The following SYNRG variants were observed in gnomAD, a reference collection of about 807,000 sequenced individuals.
The protein encoded by SYNRG is synergin gamma, also known as AP1 gamma subunit binding protein 1.
Under a neutral mutation model 130.9 loss-of-function variants are expected in SYNRG, and 37 were observed. The ratio of observed to expected loss-of-function variants is 0.28; its 90% CI spans 0.22 to 0.37. The LOEUF (loss-of-function observed/expected upper bound fraction) is 0.37. Among genes scored for constraint, SYNRG ranks in the 10% least tolerant of loss-of-function variants. SYNRG has a pLI of 1.00. For synonymous variants in SYNRG, 539 were observed against 568.1 expected (o/e 0.95, Z 0.73); for missense variants, 1,338 against 1,588.9 (o/e 0.84, Z 2.68).
intron 1 of SYNRG, among the ~76,000 whole-genome samples, chr17:37,605,395 G>A (rs1000053003): frequency 6.6e-6 from 1 of 152,168 alleles, no homozygotes; most frequent in African/African-American, 2.4e-5. Context: ...TAACTGTGAA[G>A]CTCTGTGCAA....
At chr17:37,545,758 A>T (rs2058225119) in intron 14 of SYNRG, among the ~76,000 whole-genome samples, 1 of 152,254 alleles carries the variant, frequency 6.6e-6, no homozygotes. Context: ...ACTTAAAATG[A>T]AGAGCAAATA....
intron 8 of SYNRG, among the ~76,000 whole-genome samples, 195 bp from the exon 9 acceptor site, chr17:37,572,182 C>G (rs1446696531): frequency 6.6e-6 from 1 of 152,126 alleles, no homozygotes; most frequent in East Asian, 1.9e-4. Context: ...AATCTCAGCA[C>G]TTGGGAGGCC....
intron 14 of SYNRG, among the ~76,000 whole-genome samples, chr17:37,543,027 C>CA (rs2057917225): frequency 6.6e-6 from 1 of 152,092 alleles, no homozygotes; most frequent in Non-Finnish European, 1.5e-5. Context: ...GACAGTTTCT[C>CA]AAAACTAAAA....
At chr17:37,585,302 G>C in intron 5 of SYNRG, 23 bp downstream of exon 5, 1 of 1,583,768 alleles carries the variant, frequency 6.3e-7, no homozygotes. Flanking sequence ...TGTTCTGGGT[G>C]AAGAGAAGTA....
At chr17:37,588,344 C>T (rs2061865291) in intron 3 of SYNRG, among the ~76,000 whole-genome samples, 1 of 150,156 alleles carries the variant, frequency 6.7e-6, no homozygotes. Context: ...CTCACTGCAA[C>T]CTCCACCTCC....
chr17:37,580,401 G>C (rs2061206192), intron 6 of SYNRG, among the ~76,000 whole-genome samples: 1 of 151,126 alleles, frequency 6.6e-6, no homozygotes. Flanking sequence ...CCCGGTTCAA[G>C]AGATTTTTCT....
At chr17:37,520,388 G>A in intron 20 of SYNRG, 150 bp downstream of exon 20, 1 of 1,050,892 alleles carries the variant, frequency 9.5e-7, no homozygotes, top group South Asian at 1.4e-5. Flanking sequence ...CCCTCTCGAG[G>A]GAATGTGTCT....
Position 37,542,567 on chromosome 17 carries a change from T to C in SYNRG, c.2609-2A>G, listed in dbSNP as rs544444906. The C allele has an allele frequency of 7.6e-5, 122 of 1,604,168 alleles. 1 individual carries two copies. The South Asian group carries it at 1.3e-3, about 17-fold the overall frequency. ...CAGCATATTTTAAGTCCTCTATATC[T>C]GAAAGGGAAATAAGACCCCACAATT... On this transcript the variant is annotated splice_acceptor_variant, in intron 14 of 21. Coordinates refer to ENST00000612223, the MANE Select transcript of SYNRG (RefSeq NM_007247.6). LOFTEE classifies it high-confidence loss of function.
rs2060371839 is a variant in SYNRG at position 37,570,809 on chromosome 17, G to A, written c.1175C>T (p.Ser392Phe). ...AAPIPTLSGFSMTLPTPVSQP... is the reference protein window; with the variant it reads ...AAPIPTLSGFFMTLPTPVSQP... ...ACTCACCGGTGTAGGCAGAGTCATA[G>A]AAAAGCCACTTAAAGTTGGAATAGG... Residue 392 changes from serine (S) to phenylalanine (F), a missense_variant, in exon 10 of 22, where the codon TCT becomes TTT. Ser to Phe is a radical substitution (Grantham distance 155). This residue lies in a region of SYNRG where 1,146 missense variants were observed against 1,342.3 expected (regional missense o/e 0.85). Transcript: ENST00000612223. The A allele has an allele frequency of 1.2e-6, 2 of 1,614,110 alleles. No homozygotes were observed. Among genetic ancestry groups the A allele is most frequent in the Non-Finnish European group, 1.7e-6 (2 of 1,180,046 alleles).
rs768119791 is a variant in SYNRG, at chr17:37,577,594, C to A, written c.609G>T (p.Lys203Asn). The change falls in exon 7 of 22, where the codon AAG becomes AAT. Residue 203 changes from lysine (K) to asparagine (N), a missense_variant. Coordinates refer to ENST00000612223, the MANE Select transcript of SYNRG (RefSeq NM_007247.6). ...PKKPGPSLEE[K>N]FLVSCDISTS... The stretch of plus-strand genomic sequence containing the variant: ...TACTTATATCACAAGATACTAGGAA[C>A]TTCTCCTCCAAGGAAGGGCCTAAAC... The A allele has an allele frequency of 6.2e-7, 1 of 1,613,776 alleles. No individual in the cohort carries two copies. The highest frequency in any genetic ancestry group is 8.5e-7 in the Non-Finnish European group (1 of 1,179,938).
At chr17:37,539,158 C>T (rs1185062663) in intron 17 of SYNRG, 34 bp downstream of exon 17, 2 of 1,611,680 alleles carry the variant, frequency 1.2e-6, no homozygotes, top group African/African-American at 2.7e-5. Context: ...AAAGAGCACT[C>T]ACATATGTGT....
chr17:37,590,098 G>C (rs565033746), intron 3 of SYNRG, among the ~76,000 whole-genome samples: 106 of 151,646 alleles, frequency 7.0e-4, no homozygotes, highest in Non-Finnish European at 1.8e-4. Context: ...TTGAGCCCGG[G>C]AGGCGGCAGC....
intron 14 of SYNRG, among the ~76,000 whole-genome samples, chr17:37,543,398 G>C (rs1481729697): frequency 1.3e-5 from 2 of 152,136 alleles, no homozygotes; most frequent in Non-Finnish European, 2.9e-5. Context: ...TTAATATATA[G>C]TTAAGTAATT....
Position 37,541,952 on chromosome 17 carries a change from C to T in SYNRG, c.3202+20G>A. On this transcript the variant is annotated intron_variant, in intron 15 of 21. Coordinates refer to ENST00000612223, the MANE Select transcript of SYNRG (RefSeq NM_007247.6). ...TGGAAAAAAACCACAATAGTAAAATCTACCTTGGAAGCTACTCACCTTGAA... is the reference window on the plus strand; with the variant it reads ...TGGAAAAAAACCACAATAGTAAAATTTACCTTGGAAGCTACTCACCTTGAA... 6.3e-7 allele frequency: 1 copy of T among 1,593,496 alleles called. No individual in the cohort carries two copies. Among genetic ancestry groups the T allele is most frequent in the Non-Finnish European group, 8.6e-7 (1 of 1,167,770 alleles).
chr17:37,539,688 A>T (rs2057553795), intron 16 of SYNRG, among the ~76,000 whole-genome samples: 1 of 152,082 alleles, frequency 6.6e-6, no homozygotes, highest in Non-Finnish European at 1.5e-5. Context: ...ATCTTTTTGA[A>T]CTCACTAATA....
intron 11 of SYNRG, among the ~76,000 whole-genome samples, chr17:37,564,367 G>C (rs2059762987): frequency 6.6e-6 from 1 of 152,142 alleles, no homozygotes; most frequent in African/African-American, 2.4e-5. Flanking sequence ...GATATAAACT[G>C]TTCAGTGTCT....
intron 3 of SYNRG, among the ~76,000 whole-genome samples, chr17:37,594,040 G>A (rs1319830209): frequency 1.3e-5 from 2 of 151,694 alleles, no homozygotes; most frequent in South Asian, 4.1e-4. Flanking sequence ...AACTCTCATA[G>A]TTTACTTTTT....
intron 18 of SYNRG, 162 bp from the exon 19 acceptor site, chr17:37,536,289 T>C: frequency 1.2e-6 from 1 of 846,422 alleles, no homozygotes; most frequent in South Asian, 2.0e-5. Flanking sequence ...TCAATGCTGC[T>C]GTATAGCTTA....
chr17:37,605,747 T>C lies in SYNRG; in HGVS notation c.77+3532A>G, dbSNP rs138846295. On this transcript the variant is annotated intron_variant, in intron 1 of 21. Coordinates refer to ENST00000612223, the MANE Select transcript of SYNRG (RefSeq NM_007247.6). The stretch of plus-strand genomic sequence containing the variant: ...AACTGGGCAGGAAGGTGACCAACAA[T>C]TTAATTTCAAAGGTAAAACCACTAA... 9.2e-4 allele frequency: 874 copies of C among 947,892 alleles called. 6 individuals carry two copies. The African/African-American group carries it at 0.014, about 15-fold the overall frequency. The allele number at this position is 947,892 out of a possible 1,614,324, so 58.7% of individuals were successfully genotyped here. A position where few individuals can be genotyped will look rare whatever the true frequency, so the allele number is the denominator to read the frequency against.
Sources: gnomAD v4.1 joint callset for allele counts (sites outside exome capture counted in the v4.1 genomes callset) on GRCh38, gnomAD v4.1.1 for gene constraint, gnomAD v4.1.1 regional missense constraint, MANE v1.5 for transcripts, NCBI Gene and HGNC (gene_info 2026-07-23, HGNC 2026-07-21) for gene names.